The following DLL1 variants were observed in gnomAD, a reference collection of about 807,000 sequenced individuals.
DLL1 encodes the protein delta-like protein 1.
In DLL1, 9 loss-of-function variants were observed where a neutral mutation model predicts 75.1. The observed-to-expected ratio is 0.12, with a 90% CI of 0.07 to 0.21. DLL1 has a LOEUF of 0.21. Among genes scored for constraint, DLL1 ranks in the 10% least tolerant of loss-of-function variants. DLL1 has a pLI of 1.00. For synonymous variants in DLL1, 477 were observed against 418.3 expected (o/e 1.14, Z -1.71); for missense variants, 837 against 1,007.6 (o/e 0.83, Z 2.29).
In DLL1 at chr6:170,290,853, G is replaced by T. The variant is rs1006655512; in HGVS notation, c.-714C>A. 3 of 653,352 alleles carry T rather than the reference G, an allele frequency of 4.6e-6. No individual in the cohort carries two copies. Among genetic ancestry groups the T allele is most frequent in the Admixed American group, 4.3e-5 (2 of 46,184 alleles). The allele number at this position is 653,352 out of a possible 1,614,324, so 40.5% of individuals were successfully genotyped here. ...GGGCCGGGCCGTGGGAGGAGGCTCT[G>T]CGCCGCGGCTGCCCGGGTTCCCCTG... On this transcript the variant is annotated 5_prime_UTR_variant, in exon 1 of 11. Transcript: ENST00000366756. This position sits in a 1 kb window ranked among gnomAD's most constrained non-coding sequence, Gnocchi z 4.7.
chr6:170,282,219 A>C lies in DLL1; in HGVS notation c.*655T>G, dbSNP rs1783572500. On this transcript the variant is annotated 3_prime_UTR_variant, in exon 11 of 11. Coordinates refer to ENST00000366756, the MANE Select transcript of DLL1 (RefSeq NM_005618.4). ...TACGCCTTCTGGTTGTCATTCATAA[A>C]ATTTATTTTGGAAAAATATTTTAAA... 1 of 153,478 alleles carries C rather than the reference A, an allele frequency of 6.5e-6. No homozygotes were observed. The highest frequency in any genetic ancestry group is 2.4e-5 in the African/African-American group (1 of 41,438). The allele number at this position is 153,478 out of a possible 1,614,324, so 9.5% of individuals were successfully genotyped here.
In DLL1 at chr6:170,283,755, G is replaced by C. The variant is rs761586140; in HGVS notation, c.1524C>G (p.Ala508=). Residue 508 remains alanine, a synonymous_variant, in exon 9 of 11, where the codon GCC becomes GCG. Coordinates refer to ENST00000366756, the MANE Select transcript of DLL1 (RefSeq NM_005618.4). ...ERGHRYVCEC[A]RGYGGPNCQF... The stretch of plus-strand genomic sequence containing the variant: ...GGCAGTTGGGACCCCCGTAGCCTCG[G>C]GCACACTCGCACACATAGCGGTGGC... The C allele has an allele frequency of 1.3e-6, 2 of 1,574,882 alleles. No individual in the cohort carries two copies. Among genetic ancestry groups the C allele is most frequent in the Admixed American group, 1.8e-5 (1 of 55,496 alleles).
intron 5 of DLL1, 30 bp from the exon 6 acceptor site, chr6:170,285,729 C>T (rs777430187): frequency 6.2e-5 from 100 of 1,613,894 alleles, no homozygotes; most frequent in African/African-American, 2.7e-4. Flanking sequence ...CTCAGATGGA[C>T]GTTGACTGTT....
rs144319794 is a variant in DLL1 at position 170,282,661 on chromosome 6, C to T, written c.*213G>A. ...GCAACTGTCCATAGTGCAACGGCGA[C>T]GTCACGGAAGGCAGTGCCGCAGGCG... On this transcript the variant is annotated 3_prime_UTR_variant, in exon 11 of 11. Transcript: ENST00000366756. 2.1e-3 allele frequency: 1,455 copies of T among 689,720 alleles called. 2 individuals are homozygous for T. Among genetic ancestry groups the T allele is most frequent in the Non-Finnish European group, 3.3e-3 (1,275 of 389,346 alleles). 42.7% of individuals were successfully genotyped at this position (689,720 alleles called of 1,614,324 possible). A position where few individuals can be genotyped will look rare whatever the true frequency, so the allele number is the denominator to read the frequency against.
At chr6:170,289,948 T>C in intron 1 of DLL1, 138 bp downstream of exon 1, 1 of 1,314,076 alleles carries the variant, frequency 7.6e-7, no homozygotes, top group Non-Finnish European at 9.8e-7. Context: ...GCTGGGGTCG[T>C]CGCCCCCGGG....
chr6:170,290,969 G>T lies in DLL1; in HGVS notation c.-830C>A. Reference sequence around the variant, plus strand: ...CTGCCGCCCTTATATTCAGCCGGCCGCCCGCATGGCTAATGAGATGCAAAT... The same window carrying T: ...CTGCCGCCCTTATATTCAGCCGGCCTCCCGCATGGCTAATGAGATGCAAAT... On this transcript the variant is annotated 5_prime_UTR_variant, in exon 1 of 11. Transcript: ENST00000366756. The surrounding 1 kb of genome is among the most constrained non-coding windows in gnomAD (Gnocchi z 4.7). The T allele has an allele frequency of 8.6e-6, 6 of 701,128 alleles. No homozygotes were observed. The Admixed American group carries it at 1.0e-4, about 12-fold the overall frequency. 43.4% of individuals were successfully genotyped at this position (701,128 alleles called of 1,614,324 possible).
In DLL1 at chr6:170,283,092, C is replaced by T; in HGVS notation, c.2062G>A (p.Glu688Lys). ...PTTLRGGEAS[E>K]RKRPDSGCST... ...CAGCCCGAGTCCGGCCTTTTTCTTT[C>T]AGATGCTTCTCCACTAAAAGGAAAA... The change falls in exon 10 of 11, where the codon GAA becomes AAA. Residue 688 changes from glutamate to lysine, a missense_variant. Physicochemically the swap from Glu to Lys is moderately conservative, Grantham distance 56. Around this residue, in one of 2 missense-constraint regions of DLL1, gnomAD observed 533 missense variants for 545.7 expected, o/e 0.98. Transcript: ENST00000366756. 1 of 1,614,128 alleles carries T rather than the reference C, an allele frequency of 6.2e-7. No homozygotes were observed.
intron 4 of DLL1, among the ~76,000 whole-genome samples, chr6:170,286,821 A>G (rs894812074): frequency 6.6e-6 from 1 of 151,790 alleles, no homozygotes; most frequent in Admixed American, 6.5e-5. Context: ...ACACACACAC[A>G]CACACGCACA....
chr6:170,287,371 C>T (rs1783726389), intron 4 of DLL1, among the ~76,000 whole-genome samples: 1 of 152,184 alleles, frequency 6.6e-6, no homozygotes, highest in Admixed American at 6.5e-5. Flanking sequence ...TTCTGGGCAG[C>T]TCCAGGACCT....
chr6:170,286,590 C>T lies in DLL1; in HGVS notation c.671-292G>A, dbSNP rs374307760. 1.1e-4 allele frequency among the ~76,000 whole-genome samples: 16 copies of T among 151,810 alleles called. No individual in the cohort carries two copies. In the East Asian group the frequency reaches 1.5e-3, roughly 15 times the overall value. On this transcript the variant is annotated intron_variant, in intron 4 of 10. Coordinates refer to ENST00000366756, the MANE Select transcript of DLL1 (RefSeq NM_005618.4). Reference sequence around the variant, plus strand: ...AGAGAGGGTCAGAAGTCTTCCCCCTCCTCCTCCCCCACTTCCCAATTCTGT... The same window carrying T: ...AGAGAGGGTCAGAAGTCTTCCCCCTTCTCCTCCCCCACTTCCCAATTCTGT...
Position 170,288,798 on chromosome 6 carries a change from G to A in DLL1, c.352-9C>T. 1.2e-6 allele frequency: 2 copies of A among 1,614,064 alleles called. No homozygotes were observed. The highest frequency in any genetic ancestry group is 1.7e-6 in the Non-Finnish European group (2 of 1,179,916). Reference sequence around the variant, plus strand: ...ATCAGAGAGAAGGTGCCCTGGGAGAGAGGGGAGAAGACGTTAGACAACCCA... The same window carrying A: ...ATCAGAGAGAAGGTGCCCTGGGAGAAAGGGGAGAAGACGTTAGACAACCCA... On this transcript the variant is annotated splice_polypyrimidine_tract_variant and intron_variant, in intron 2 of 10. Coordinates refer to ENST00000366756, the MANE Select transcript of DLL1 (RefSeq NM_005618.4).
chr6:170,284,150 C>G, intron 8 of DLL1, 121 bp from the exon 9 acceptor site: 1 of 1,280,434 alleles, frequency 7.8e-7, no homozygotes, highest in South Asian at 1.3e-5. Context: ...CAGTCTGTGG[C>G]CTGAATGAGT....
Position 170,283,496 on chromosome 6 carries a change from T to TGGCCAG in DLL1, c.1777_1782dup (p.Leu593_Ala594dup). 1.2e-6 allele frequency: 2 copies of TGGCCAG among 1,613,674 alleles called. No homozygotes were observed. Among genetic ancestry groups the TGGCCAG allele is most frequent in the Non-Finnish European group, 1.7e-6 (2 of 1,180,034 alleles). On this transcript the variant is annotated inframe_insertion, in exon 9 of 11. Transcript: ENST00000366756. The stretch of plus-strand genomic sequence containing the variant: ...GAGATGTCCTTCTCACGCTGGCAGT[T>TGGCCAG]GGCCAGGTTGTTCATGGTCTCCGTC...
At chr6:170,289,955 C>T in intron 1 of DLL1, 131 bp downstream of exon 1, 1 of 1,320,324 alleles carries the variant, frequency 7.6e-7, no homozygotes, top group Non-Finnish European at 9.7e-7. Context: ...TCGTCGCCCC[C>T]GGGATTCATC....
chr6:170,286,430 T>C, intron 4 of DLL1, 132 bp from the exon 5 acceptor site: 1 of 1,134,698 alleles, frequency 8.8e-7, no homozygotes, highest in Non-Finnish European at 1.3e-6. Flanking sequence ...TCCCAGGTTG[T>C]GGAGGACTGA....
At position 170,283,605 on chromosome 6, in the gene DLL1, C is replaced by A; in HGVS notation, c.1674G>T (p.Leu558=). Residue 558 remains leucine, a synonymous_variant, in exon 9 of 11, where the codon CTG becomes CTT. Transcript: ENST00000366756. ...VCAGVILVLM[L]LLGCAAVVVC... ...CCACCACAGCGGCACAGCCCAGCAG[C>A]AGCATGAGGACAAGGATGACCCCGG... The A allele has an allele frequency of 6.2e-7, 1 of 1,612,326 alleles. No individual in the cohort carries two copies. Among genetic ancestry groups the A allele is most frequent in the Non-Finnish European group, 8.5e-7 (1 of 1,179,652 alleles).
rs1027222887 is a variant in DLL1 at position 170,289,995 on chromosome 6, C to G, written c.54+91G>C. ...GGGCCGTGGCTGGCGCGGCCCGTGC[C>G]GCTGTCCGCCCCTCCCCGCGCGCTC... On this transcript the variant is annotated intron_variant, in intron 1 of 10. Transcript: ENST00000366756. 4 of 1,350,088 alleles carry G rather than the reference C, an allele frequency of 3.0e-6. No homozygotes were observed. The African/African-American group carries it at 4.7e-5, about 16-fold the overall frequency. The allele number at this position is 1,350,088 out of a possible 1,614,324, so 83.6% of individuals were successfully genotyped here.
intron 1 of DLL1, 72 bp from the exon 2 acceptor site, chr6:170,289,880 G>A: frequency 1.9e-5 from 28 of 1,481,950 alleles, no homozygotes; most frequent in Non-Finnish European, 2.4e-5. Flanking sequence ...CCTGGGTGGG[G>A]GGTGTGCGGA....
chr6:170,285,938 C>A (rs1350405011), intron 5 of DLL1, among the ~76,000 whole-genome samples: 1 of 152,192 alleles, frequency 6.6e-6, no homozygotes, highest in Non-Finnish European at 1.5e-5. Flanking sequence ...CTGAGTGATT[C>A]TAGGATGAGG....
Sources: allele counts gnomAD v4.1 joint callset (sites outside exome capture counted in the v4.1 genomes callset), GRCh38; gene constraint gnomAD v4.1.1; regional missense constraint gnomAD v4.1.1; non-coding constraint Gnocchi (gnomAD v3.1); transcripts MANE v1.5; gene names NCBI Gene and HGNC (gene_info 2026-07-23, HGNC 2026-07-21).